Variants in GALNTL6 observed in about 807,000 individuals in gnomAD.
The protein encoded by GALNTL6 is polypeptide N-acetylgalactosaminyltransferase like 6.
GALNTL6 carries 46 observed loss-of-function variants against 73.7 expected under a neutral mutation model. The ratio of observed to expected loss-of-function variants is 0.62; its 90% CI spans 0.49 to 0.80. The LOEUF (loss-of-function observed/expected upper bound fraction) is 0.80. GALNTL6 is among the 30% of genes least tolerant of loss of function. The pLI is 0.00. For synonymous variants in GALNTL6, 259 were observed against 263.7 expected (o/e 0.98, Z 0.17); for missense variants, 604 against 755.0 (o/e 0.80, Z 2.34).
chr4:172,405,419 ATATATATATATATATATATATATATTTTT>A (rs1160131429), intron 5 of GALNTL6, among the ~76,000 whole-genome samples: 76 of 1,552 alleles, frequency 0.049, no homozygotes, highest in African/African-American at 0.14. Context: ...ATATATATAT[ATATATATATATATATATATATATATTTTT>A]TTTTTTTTTT....
intron 2 of GALNTL6, among the ~76,000 whole-genome samples, chr4:172,179,507 G>GT (rs1226283484): frequency 2.2e-5 from 3 of 138,806 alleles, no homozygotes; most frequent in Non-Finnish European, 4.6e-5. Context: ...GGGGTTGTTT[G>GT]TTTTTTTCTT....
intron 2 of GALNTL6, among the ~76,000 whole-genome samples, chr4:172,042,109 T>C (rs1409818054): frequency 6.6e-6 from 1 of 152,046 alleles, no homozygotes; most frequent in Non-Finnish European, 1.5e-5. Flanking sequence ...ACTGATACCC[T>C]GAACATTTTA....
rs1363544210 is a variant in GALNTL6, at chr4:172,504,175, A to AAAAAAAAAAAAAAAAAAAAAAAAAAAAC, written c.553+155490_553+155491insAAAAAAAAAAAAAAAAAAAAAAACAAAA. ...ACTCTGTCTCAAAAAAAAAAAAAAA[A>AAAAAAAAAAAAAAAAAAAAAAAAAAAAC]AAAACTCACACCTTGTTGATATTGG... is the stretch of plus-strand genomic sequence containing the variant. On this transcript the variant is annotated intron_variant, in intron 5 of 12. Transcript: ENST00000506823. Among the ~76,000 whole-genome samples the AAAAAAAAAAAAAAAAAAAAAAAAAAAAC allele has an allele frequency of 2.3e-4, 9 of 39,316 alleles. 4 individuals are homozygous for AAAAAAAAAAAAAAAAAAAAAAAAAAAAC. The highest frequency in any genetic ancestry group is 6.9e-4 in the African/African-American group (9 of 13,018). The allele number at this position is 39,316 out of a possible 152,430, so 25.8% of individuals were successfully genotyped here. A position where few individuals can be genotyped will look rare whatever the true frequency, so the allele number is the denominator to read the frequency against.
intron 2 of GALNTL6, among the ~76,000 whole-genome samples, chr4:172,117,564 T>C (rs1579155470): frequency 6.6e-6 from 1 of 152,316 alleles, no homozygotes; most frequent in East Asian, 1.9e-4. Flanking sequence ...ACTTTATTAT[T>C]GTTCCTTATT....
rs577552695 is a variant in GALNTL6 at position 171,910,644 on chromosome 4, C to A, written c.138+95926C>A. 2.4e-4 allele frequency among the ~76,000 whole-genome samples: 37 copies of A among 151,920 alleles called. No homozygotes were observed. The East Asian group carries it at 5.4e-3, about 22-fold the overall frequency. On this transcript the variant is annotated intron_variant, in intron 2 of 12. Transcript: ENST00000506823. The stretch of plus-strand genomic sequence containing the variant: ...AGTATTAACCATCTTACCCTGTTCG[C>A]CATTTTATAGATTTTGAAAGAATAC...
At chr4:172,217,641 A>G (rs868324193) in intron 2 of GALNTL6, among the ~76,000 whole-genome samples, 7 of 152,292 alleles carry the variant, frequency 4.6e-5, no homozygotes, top group Middle Eastern at 3.4e-3. Flanking sequence ...TCCCACTGCT[A>G]TATTTACATG....
At chr4:172,323,034 C>T (rs1168653342) in intron 4 of GALNTL6, among the ~76,000 whole-genome samples, 1 of 152,136 alleles carries the variant, frequency 6.6e-6, no homozygotes, top group Non-Finnish European at 1.5e-5. Context: ...TACATATCCA[C>T]TATATTTCTG....
At position 172,156,568 on chromosome 4, in the gene GALNTL6, C is replaced by CTATATATATATATATATAT. The variant is rs1560945829; in HGVS notation, c.139-73088_139-73087insTATATATATATATATATAT. ...ATATATATATATATATATATATATACATACTATATATATATAGTATATTGT... is the reference window on the plus strand; with the variant it reads ...ATATATATATATATATATATATATACTATATATATATATATATATATACTATATATATATAGTATATTGT... On this transcript the variant is annotated intron_variant, in intron 2 of 12. Transcript: ENST00000506823. 3.0e-4 allele frequency among the ~76,000 whole-genome samples: 35 copies of CTATATATATATATATATAT among 115,788 alleles called. 1 individual carries two copies. Among genetic ancestry groups the CTATATATATATATATATAT allele is most frequent in the African/African-American group, 1.2e-3 (33 of 26,920 alleles). 76.0% of individuals were successfully genotyped at this position (115,788 alleles called of 152,430 possible). A position where few individuals can be genotyped will look rare whatever the true frequency, so the allele number is the denominator to read the frequency against.
intron 5 of GALNTL6, among the ~76,000 whole-genome samples, chr4:172,762,365 T>G (rs1371861543): frequency 6.6e-6 from 1 of 152,062 alleles, no homozygotes; most frequent in Non-Finnish European, 1.5e-5. Context: ...TAATTTAGCC[T>G]TTATTCAGAA....
intron 2 of GALNTL6, among the ~76,000 whole-genome samples, chr4:172,221,346 G>A (rs538236183): frequency 2.4e-4 from 36 of 151,528 alleles, no homozygotes; most frequent in Admixed American, 5.3e-4. Context: ...TGATAGGATG[G>A]AATTCTAGAA....
At chr4:172,447,945 A>G (rs562775841) in intron 5 of GALNTL6, among the ~76,000 whole-genome samples, 1 of 152,246 alleles carries the variant, frequency 6.6e-6, no homozygotes, top group Non-Finnish European at 1.5e-5. Flanking sequence ...AAATAAGAAC[A>G]TATTAACTTA....
intron 5 of GALNTL6, among the ~76,000 whole-genome samples, chr4:172,650,348 T>C (rs1194498099): frequency 6.6e-6 from 1 of 152,094 alleles, no homozygotes; most frequent in Non-Finnish European, 1.5e-5. Context: ...TATAAATAAA[T>C]AGATAAAAGT....
intron 5 of GALNTL6, among the ~76,000 whole-genome samples, chr4:172,698,394 C>T (rs1000269555): frequency 6.6e-6 from 1 of 152,148 alleles, no homozygotes; most frequent in African/African-American, 2.4e-5. Flanking sequence ...AGCCTCTGAG[C>T]ATTAGGCCAC....
chr4:172,749,986 A>G (rs926995512), intron 5 of GALNTL6, among the ~76,000 whole-genome samples: 11 of 152,182 alleles, frequency 7.2e-5, no homozygotes, highest in Admixed American at 2.0e-4. Flanking sequence ...TTTCTTATTG[A>G]TCAGTCTATT....
At chr4:171,837,029 A>G (rs1318853183) in intron 2 of GALNTL6, among the ~76,000 whole-genome samples, 1 of 152,204 alleles carries the variant, frequency 6.6e-6, no homozygotes, top group Non-Finnish European at 1.5e-5. Context: ...AGGGGAAAAG[A>G]GCAATTTTAC....
intron 2 of GALNTL6, among the ~76,000 whole-genome samples, chr4:171,834,675 T>C (rs574682982): frequency 1.3e-5 from 2 of 152,098 alleles, no homozygotes; most frequent in Non-Finnish European, 2.9e-5. Flanking sequence ...GAAACACTAG[T>C]GCTTGAAAAG....
rs1171521849 is a variant in GALNTL6, at chr4:172,139,909, A to G, written c.139-89747A>G. On this transcript the variant is annotated intron_variant, in intron 2 of 12. Transcript: ENST00000506823. The stretch of plus-strand genomic sequence containing the variant: ...TTCTTTACTGTGTTAATACCAAAAA[A>G]ACTTTCCTATCAAGTTTTCTTAAAA... Among the ~76,000 whole-genome samples, 3 of 152,274 alleles carry G rather than the reference A, an allele frequency of 2.0e-5. No individual in the cohort carries two copies. The East Asian group carries it at 5.8e-4, about 29-fold the overall frequency.
chr4:172,461,452 C>A (rs77580139), intron 5 of GALNTL6, among the ~76,000 whole-genome samples: 2,285 of 152,232 alleles, frequency 0.015, 57 homozygotes, highest in African/African-American at 0.052. Context: ...GGTGAAATGT[C>A]TGGTTGGACC....
chr4:172,923,480 C>G (rs1480937556), intron 8 of GALNTL6, among the ~76,000 whole-genome samples: 1 of 152,032 alleles, frequency 6.6e-6, no homozygotes, highest in Non-Finnish European at 1.5e-5. Flanking sequence ...TGGGTGGGGA[C>G]ACAGGAAACC....
Sources: gnomAD v4.1 joint callset for allele counts (sites outside exome capture counted in the v4.1 genomes callset) on GRCh38, gnomAD v4.1.1 for gene constraint, MANE v1.5 for transcripts, NCBI Gene and HGNC (gene_info 2026-07-23, HGNC 2026-07-21) for gene names.